EXOC5: variants seen among roughly 807,000 people sequenced by gnomAD.
EXOC5 encodes exocyst complex component 5.
A neutral mutation model predicts 90.8 loss-of-function variants in EXOC5; 17 were observed. That is an observed-to-expected ratio of 0.19 (90% CI 0.13 to 0.28). EXOC5 has a LOEUF of 0.28. Ranked by LOEUF, EXOC5 falls within the 10% of genes least tolerant of loss-of-function variation. The pLI, the probability that EXOC5 is intolerant of heterozygous loss-of-function variation, is 1.00. For synonymous variants in EXOC5, 260 were observed against 270.0 expected (o/e 0.96, Z 0.36); for missense variants, 569 against 830.6 (o/e 0.69, Z 3.87).
At chr14:57,250,247 G>C (rs1024847167) in intron 1 of EXOC5, among the ~76,000 whole-genome samples, 6 of 152,204 alleles carry the variant, frequency 3.9e-5, no homozygotes, top group Non-Finnish European at 8.8e-5. Context: ...CTAAAAGAGA[G>C]TGAATGCAGG....
intron 4 of EXOC5, 22 bp from the exon 5 acceptor site, chr14:57,239,681 C>A: frequency 2.1e-6 from 3 of 1,448,390 alleles, no homozygotes; most frequent in Admixed American, 2.5e-5. Context: ...TAAATAAAAG[C>A]AATAATTTAA....
In EXOC5 at chr14:57,262,193, A is replaced by G. The variant is rs150709486; in HGVS notation, c.27+6429T>C. Reference sequence around the variant, plus strand: ...GCCAACACCTAATTTTTTAAAATGGATACTACTCTCTTAATAGTATGCTTC... The same window carrying G: ...GCCAACACCTAATTTTTTAAAATGGGTACTACTCTCTTAATAGTATGCTTC... On this transcript the variant is annotated intron_variant, in intron 1 of 17. Transcript: ENST00000621441. Among the ~76,000 whole-genome samples the G allele has an allele frequency of 5.1e-3, 774 of 152,320 alleles. 6 individuals are homozygous for G. Among genetic ancestry groups the G allele is most frequent in the African/African-American group, 0.015 (637 of 41,568 alleles).
intron 3 of EXOC5, 141 bp from the exon 4 acceptor site, chr14:57,244,500 A>T (rs753264723): frequency 1.8e-4 from 116 of 651,746 alleles, no homozygotes; most frequent in Admixed American, 2.7e-4. Flanking sequence ...TTAGTGTGAC[A>T]TGATCTGAAA....
At chr14:57,249,245 C>A (rs866440677) in intron 1 of EXOC5, among the ~76,000 whole-genome samples, 1 of 151,974 alleles carries the variant, frequency 6.6e-6, no homozygotes, top group South Asian at 2.1e-4. Flanking sequence ...AAGTAGTCAG[C>A]CCTTTCAAAA....
intron 1 of EXOC5, among the ~76,000 whole-genome samples, chr14:57,260,585 T>C (rs1330653919): frequency 6.6e-6 from 1 of 152,190 alleles, no homozygotes; most frequent in East Asian, 1.9e-4. Flanking sequence ...TAAAGTTATA[T>C]ATATTATGTC....
At chr14:57,209,840 GA>G in intron 16 of EXOC5, 58 bp from the exon 17 acceptor site, 5 of 1,324,604 alleles carry the variant, frequency 3.8e-6, no homozygotes, top group Non-Finnish European at 4.2e-6. Flanking sequence ...AGCTAAAGAG[GA>G]AATACAGTTT....
intron 12 of EXOC5, among the ~76,000 whole-genome samples, chr14:57,226,586 C>T (rs1457995692): frequency 3.3e-5 from 5 of 152,006 alleles, no homozygotes; most frequent in African/African-American, 4.8e-5. Flanking sequence ...TTACACTACC[C>T]GATTCAAGAC....
In EXOC5 at chr14:57,268,703, T is replaced by C. The variant is rs1045923020; in HGVS notation, c.-55A>G. The C allele has an allele frequency of 1.1e-5, 17 of 1,555,888 alleles. No individual in the cohort carries two copies. The African/African-American group carries it at 1.8e-4, about 16-fold the overall frequency. On this transcript the variant is annotated 5_prime_UTR_variant, in exon 1 of 18. Transcript: ENST00000621441. Reference sequence around the variant, plus strand: ...TGGATGCCGTCTCCGCTTCACATGCTGCGCCTCAGAGGCGCGGCGCACAGG... The same window carrying C: ...TGGATGCCGTCTCCGCTTCACATGCCGCGCCTCAGAGGCGCGGCGCACAGG...
In EXOC5 at chr14:57,202,014, T is replaced by G. The variant is rs1038816813; in HGVS notation, c.*6595A>C. The G allele has an allele frequency of 6.6e-6, 1 of 151,982 alleles. No homozygotes were observed. The highest frequency in any genetic ancestry group is 2.4e-5 in the African/African-American group (1 of 41,352). 9.4% of individuals were successfully genotyped at this position (151,982 alleles called of 1,614,324 possible). On this transcript the variant is annotated 3_prime_UTR_variant, in exon 18 of 18. Transcript: ENST00000621441. ...CCTGGTAAATAGTACCTTAAGAAAG[T>G]GATAAAAATGAACATCATCAGAAAT...
chr14:57,223,389 T>C (rs1883212509), intron 12 of EXOC5, among the ~76,000 whole-genome samples: 4 of 152,084 alleles, frequency 2.6e-5, no homozygotes, highest in Non-Finnish European at 5.9e-5. Context: ...GGTTAATACT[T>C]ATTATCTGAT....
At chr14:57,234,075 A>G (rs1200459246) in intron 7 of EXOC5, 43 bp from the exon 8 acceptor site, 1 of 1,384,318 alleles carries the variant, frequency 7.2e-7, no homozygotes, top group Non-Finnish European at 1.0e-6. Flanking sequence ...ATTCAATTAT[A>G]ATAATTATTA....
chr14:57,268,347 T>C (rs1028216690), intron 1 of EXOC5: 2 of 795,518 alleles, frequency 2.5e-6, no homozygotes, highest in Admixed American at 6.2e-5. Flanking sequence ...ACTTTCCCTC[T>C]TGCCCCCACA....
chr14:57,223,915 T>C (rs1002367269), intron 12 of EXOC5, among the ~76,000 whole-genome samples: 1 of 152,168 alleles, frequency 6.6e-6, no homozygotes. Flanking sequence ...GAAAGACATC[T>C]AATAAATTCC....
chr14:57,233,660 A>G, intron 9 of EXOC5, 83 bp downstream of exon 9: 1 of 860,212 alleles, frequency 1.2e-6, no homozygotes, highest in Non-Finnish European at 1.8e-6. Flanking sequence ...AAGTAAACTA[A>G]ATTTTAAAAA....
chr14:57,244,059 C>A, intron 4 of EXOC5, 106 bp downstream of exon 4: 1 of 703,200 alleles, frequency 1.4e-6, no homozygotes, highest in Non-Finnish European at 2.4e-6. Context: ...AATAAGTCAG[C>A]TACTCAGTGA....
rs149104771 is a variant in EXOC5 at position 57,218,736 on chromosome 14, C to T, written c.1526+586G>A. On this transcript the variant is annotated intron_variant, in intron 14 of 17. Coordinates refer to ENST00000621441, the MANE Select transcript of EXOC5 (RefSeq NM_006544.4). ...AGTCTCGGCATATCAATGTTTACAACAAAATGTCAAAAAATTTTATATGAG... is the reference window on the plus strand; with the variant it reads ...AGTCTCGGCATATCAATGTTTACAATAAAATGTCAAAAAATTTTATATGAG... 1.1e-4 allele frequency among the ~76,000 whole-genome samples: 17 copies of T among 152,126 alleles called. No homozygotes were observed. The East Asian group carries it at 3.3e-3, about 29-fold the overall frequency.
Position 57,246,869 on chromosome 14 carries a change from A to G in EXOC5, c.123-11T>C, listed in dbSNP as rs1884047683. On this transcript the variant is annotated splice_polypyrimidine_tract_variant and intron_variant, in intron 2 of 17. Coordinates refer to ENST00000621441, the MANE Select transcript of EXOC5 (RefSeq NM_006544.4). The stretch of plus-strand genomic sequence containing the variant: ...AATTCTTCTAATAATCTAACAGAGG[A>G]AAGTTTGAATATGTATCAATCTACC... 1.3e-6 allele frequency: 2 copies of G among 1,524,128 alleles called. No individual in the cohort carries two copies. The highest frequency in any genetic ancestry group is 1.8e-6 in the Non-Finnish European group (2 of 1,111,016). 94.4% of individuals were successfully genotyped at this position (1,524,128 alleles called of 1,614,324 possible).
At chr14:57,237,991 A>C (rs1883715410) in intron 5 of EXOC5, among the ~76,000 whole-genome samples, 1 of 152,066 alleles carries the variant, frequency 6.6e-6, no homozygotes, top group Non-Finnish European at 1.5e-5. Context: ...TCTAAGTGAA[A>C]TGCATAGCAT....
chr14:57,245,494 T>C (rs1330801558), intron 3 of EXOC5, among the ~76,000 whole-genome samples: 1 of 152,218 alleles, frequency 6.6e-6, no homozygotes, highest in Non-Finnish European at 1.5e-5. Flanking sequence ...CAGGCAGACT[T>C]GTCCCAGAGT....
Sources: allele counts gnomAD v4.1 joint callset (sites outside exome capture counted in the v4.1 genomes callset), GRCh38; gene constraint gnomAD v4.1.1; transcripts MANE v1.5; gene names NCBI Gene and HGNC (gene_info 2026-07-23, HGNC 2026-07-21).